Variants in EIF2AK2 observed in about 807,000 individuals in gnomAD.
EIF2AK2 encodes the protein eukaryotic translation initiation factor 2 alpha kinase 2, also known as interferon-induced, double-stranded RNA-activated protein kinase.
A neutral mutation model predicts 70.5 loss-of-function variants in EIF2AK2; 40 were observed. The ratio of observed to expected loss-of-function variants is 0.57; its 90% CI spans 0.44 to 0.74. The LOEUF is 0.74. Among genes scored for constraint, EIF2AK2 ranks in the 30% least tolerant of loss-of-function variants. The pLI is 0.00. For synonymous variants in EIF2AK2, 198 were observed against 220.9 expected (o/e 0.90, Z 0.92); for missense variants, 555 against 644.3 (o/e 0.86, Z 1.50).
chr2:37,144,481 A>T (rs190568211), intron 4 of EIF2AK2, among the ~76,000 whole-genome samples: 1 of 152,122 alleles, frequency 6.6e-6, no homozygotes, highest in African/African-American at 2.4e-5. Context: ...GCTCCTGAAC[A>T]CTTTCCAGAG....
intron 2 of EIF2AK2, 40 bp downstream of exon 2, chr2:37,148,817 G>A: frequency 1.2e-6 from 1 of 829,834 alleles, no homozygotes; most frequent in Admixed American, 1.7e-5. Flanking sequence ...CTTAGATGAT[G>A]CCACTTTTCT....
intron 11 of EIF2AK2, among the ~76,000 whole-genome samples, chr2:37,125,662 G>T (rs1397793275): frequency 1.3e-5 from 2 of 152,226 alleles, no homozygotes; most frequent in Non-Finnish European, 2.9e-5. Context: ...TCCAGCCTAA[G>T]ATAGGCTGTA....
chr2:37,132,125 A>C (rs916718871), intron 10 of EIF2AK2, among the ~76,000 whole-genome samples: 8 of 152,158 alleles, frequency 5.3e-5, no homozygotes, highest in Non-Finnish European at 1.2e-4. Flanking sequence ...CGTGAGGCTG[A>C]CTATTGGGCA....
rs1163921911 is a variant in EIF2AK2 at position 37,099,271 on chromosome 2, T to C, written c.*8002A>G. On this transcript the variant is annotated 3_prime_UTR_variant, in exon 17 of 17. Transcript: ENST00000233057. ...TTGTTAAACATTTAATTGTTGAGAT[T>C]TGAAAATGAACATTATTATTTATTA... is the stretch of plus-strand genomic sequence containing the variant. 2.0e-5 allele frequency: 3 copies of C among 152,242 alleles called. No homozygotes were observed. The highest frequency in any genetic ancestry group is 4.8e-5 in the African/African-American group (2 of 41,474). The allele number at this position is 152,242 out of a possible 1,614,324, so 9.4% of individuals were successfully genotyped here.
intron 15 of EIF2AK2, among the ~76,000 whole-genome samples, chr2:37,108,377 G>A (rs996241354): frequency 2.0e-5 from 3 of 151,994 alleles, no homozygotes; most frequent in Non-Finnish European, 2.9e-5. Flanking sequence ...CAACTTTTCT[G>A]TTTTGGACTA....
rs149587858 is a variant in EIF2AK2, at chr2:37,115,765, A to G, written c.1249-906T>C. Among the ~76,000 whole-genome samples, 251 of 152,300 alleles carry G rather than the reference A, an allele frequency of 1.6e-3. 1 individual carries two copies. The highest frequency in any genetic ancestry group is 5.9e-3 in the African/African-American group (246 of 41,560). ...TGGGGGTCTTTTCTCCAAGCCTCTG[A>G]CAACTTCTTAACAAACACATCCCTT... On this transcript the variant is annotated intron_variant, in intron 13 of 16. Coordinates refer to ENST00000233057, the MANE Select transcript of EIF2AK2 (RefSeq NM_001135651.3).
chr2:37,141,565 T>G lies in EIF2AK2; in HGVS notation c.377A>C (p.His126Pro), dbSNP rs779216294. The G allele has an allele frequency of 3.7e-6, 6 of 1,613,212 alleles. No individual in the cohort carries two copies. Among genetic ancestry groups the G allele is most frequent in the Non-Finnish European group, 4.2e-6 (5 of 1,179,870 alleles). Reference sequence around the variant, plus strand: ...AATTATGTCTTACCCTTCTGGCCCATGCACCCCCGATGCACACTGTTCATA... The same window carrying G: ...AATTATGTCTTACCCTTCTGGCCCAGGCACCCCCGATGCACACTGTTCATA... ...VNYEQCASGV[H>P]GPEGFHYKCK... Residue 126 changes from histidine (H) to proline (P), a missense_variant, in exon 5 of 17, where the codon CAT becomes CCT. This residue lies in a region of EIF2AK2 where 208 missense variants were observed against 191.8 expected (regional missense o/e 1.08). Transcript: ENST00000233057.
chr2:37,111,558 A>G (rs1674147371), intron 14 of EIF2AK2, among the ~76,000 whole-genome samples: 1 of 151,716 alleles, frequency 6.6e-6, no homozygotes, highest in African/African-American at 2.4e-5. Context: ...AAGCTTCAAA[A>G]ATATAAACAA....
At chr2:37,139,319 A>T (rs1675242842) in intron 6 of EIF2AK2, among the ~76,000 whole-genome samples, 1 of 151,354 alleles carries the variant, frequency 6.6e-6, no homozygotes, top group Non-Finnish European at 1.5e-5. Context: ...CATCTCAAAA[A>T]AAAAAAAAAA....
At chr2:37,142,955 G>A (rs769106935) in intron 4 of EIF2AK2, among the ~76,000 whole-genome samples, 4 of 152,116 alleles carry the variant, frequency 2.6e-5, no homozygotes, top group Non-Finnish European at 5.9e-5. Context: ...GGGGCCGGGC[G>A]CGGTGGCTCA....
Position 37,106,221 on chromosome 2 carries a change from G to C in EIF2AK2, c.*1052C>G, listed in dbSNP as rs143170439. ...AAATGATTTAGTTTTGCATGCTCTG[G>C]AACTTTATATAAATGGAATTATTCT... On this transcript the variant is annotated 3_prime_UTR_variant, in exon 17 of 17. Coordinates refer to ENST00000233057, the MANE Select transcript of EIF2AK2 (RefSeq NM_001135651.3). 3 of 151,994 alleles carry C rather than the reference G, an allele frequency of 2.0e-5. No individual in the cohort carries two copies. Among genetic ancestry groups the C allele is most frequent in the African/African-American group, 4.8e-5 (2 of 41,334 alleles). The allele number at this position is 151,994 out of a possible 1,614,324, so 9.4% of individuals were successfully genotyped here.
chr2:37,109,884 A>T (rs1181941427), intron 14 of EIF2AK2, among the ~76,000 whole-genome samples: 1 of 152,250 alleles, frequency 6.6e-6, no homozygotes, highest in East Asian at 1.9e-4. Context: ...CTATGGTGAT[A>T]GAACTCAGAG....
At chr2:37,152,412 G>C (rs11124561) in intron 1 of EIF2AK2, among the ~76,000 whole-genome samples, 4 of 152,180 alleles carry the variant, frequency 2.6e-5, no homozygotes, top group Non-Finnish European at 5.9e-5. Context: ...CTCTCAAGTA[G>C]CTGGGACTAT....
At chr2:37,137,097 A>G in intron 8 of EIF2AK2, 80 bp from the exon 9 acceptor site, 1 of 1,258,522 alleles carries the variant, frequency 7.9e-7, no homozygotes, top group Non-Finnish European at 1.1e-6. Flanking sequence ...CCTCCTGTAT[A>G]TCTAGATGGC....
Position 37,105,782 on chromosome 2 carries a change from T to A in EIF2AK2, c.*1491A>T, listed in dbSNP as rs1429214968. 1 of 152,238 alleles carries A rather than the reference T, an allele frequency of 6.6e-6. No individual in the cohort carries two copies. The highest frequency in any genetic ancestry group is 2.4e-5 in the African/African-American group (1 of 41,446). 9.4% of individuals were successfully genotyped at this position (152,238 alleles called of 1,614,324 possible). A position where few individuals can be genotyped will look rare whatever the true frequency, so the allele number is the denominator to read the frequency against. ...TCAAATATATCTTCTCCAGAGCTCA[T>A]GCCAGACCCCTTGTCCAGACTTCCT... On this transcript the variant is annotated 3_prime_UTR_variant, in exon 17 of 17. Coordinates refer to ENST00000233057, the MANE Select transcript of EIF2AK2 (RefSeq NM_001135651.3).
chr2:37,120,443 C>T (rs1674499612), intron 12 of EIF2AK2, among the ~76,000 whole-genome samples: 1 of 130,528 alleles, frequency 7.7e-6, no homozygotes, highest in Admixed American at 9.0e-5. Flanking sequence ...GTAGGCGGAG[C>T]TTGCAGTGAG....
At chr2:37,155,578 C>G (rs992794926) in intron 1 of EIF2AK2, among the ~76,000 whole-genome samples, 2 of 152,188 alleles carry the variant, frequency 1.3e-5, no homozygotes, top group Non-Finnish European at 2.9e-5. Context: ...GCCCTGACTG[C>G]TTTTTAAACT....
chr2:37,117,481 G>A (rs956181406), intron 13 of EIF2AK2, among the ~76,000 whole-genome samples: 3 of 152,110 alleles, frequency 2.0e-5, no homozygotes, highest in South Asian at 2.1e-4. Context: ...AGGCTGCAGT[G>A]AGCTGAGATC....
Position 37,122,500 on chromosome 2 carries a change from A to G in EIF2AK2, c.1067+6T>C, listed in dbSNP as rs1040855449. 6.2e-7 allele frequency: 1 copy of G among 1,611,560 alleles called. No individual in the cohort carries two copies. The highest frequency in any genetic ancestry group is 1.3e-5 in the African/African-American group (1 of 74,718). Reference sequence around the variant, plus strand: ...ATTATGGCTATGAGAATTTATTTTTAGTTACCTTGAACTATTTTTGCTGTT... The same window carrying G: ...ATTATGGCTATGAGAATTTATTTTTGGTTACCTTGAACTATTTTTGCTGTT... On this transcript the variant is annotated splice_donor_region_variant and intron_variant, in intron 12 of 16. Transcript: ENST00000233057.
Sources: gnomAD v4.1 joint callset for allele counts (sites outside exome capture counted in the v4.1 genomes callset) on GRCh38, gnomAD v4.1.1 for gene constraint, gnomAD v4.1.1 regional missense constraint, MANE v1.5 for transcripts, NCBI Gene and HGNC (gene_info 2026-07-23, HGNC 2026-07-21) for gene names.